The following CUBN variants were observed in gnomAD, a reference collection of about 807,000 sequenced individuals.
CUBN encodes 460 kDa receptor.
CUBN carries 282 observed loss-of-function variants against 405.3 expected under a neutral mutation model. The observed-to-expected ratio is 0.70, with a 90% CI of 0.63 to 0.77. CUBN has a LOEUF of 0.77. Ranked by LOEUF, CUBN falls within the 30% of genes least tolerant of loss-of-function variation. The pLI is 0.00. For synonymous variants in CUBN, 1,684 were observed against 1,617.0 expected (o/e 1.04, Z -0.99); for missense variants, 4,514 against 4,475.2 (o/e 1.01, Z -0.25).
At chr10:17,029,171 CAG>C (rs937916891) in intron 27 of CUBN, among the ~76,000 whole-genome samples, 3 of 152,164 alleles carry the variant, frequency 2.0e-5, no homozygotes, top group Non-Finnish European at 2.9e-5. Context: ...AGGAAACACG[CAG>C]AGTTTCTTTT....
intron 40 of CUBN, among the ~76,000 whole-genome samples, chr10:16,930,011 C>T (rs944238452): frequency 1.3e-5 from 2 of 152,140 alleles, no homozygotes; most frequent in South Asian, 2.1e-4. Flanking sequence ...GTTACTTGCC[C>T]ATCCACCCCT....
At chr10:16,986,984 T>A (rs550841066) in intron 29 of CUBN, among the ~76,000 whole-genome samples, 84 of 152,310 alleles carry the variant, frequency 5.5e-4, no homozygotes, top group Non-Finnish European at 1.0e-3. Context: ...TCTAGAAGAA[T>A]AAACACTGCC....
In CUBN at chr10:17,080,601, G is replaced by C. The variant is rs568524611; in HGVS notation, c.2301+3670C>G. On this transcript the variant is annotated intron_variant, in intron 17 of 66. Transcript: ENST00000377833. The stretch of plus-strand genomic sequence containing the variant: ...CTGGGGAGAGGAGGCAGATACTTTG[G>C]GATTGGTCAAGGAGATTTGATGGGT... 8.5e-5 allele frequency among the ~76,000 whole-genome samples: 13 copies of C among 152,194 alleles called. No individual in the cohort carries two copies. In the South Asian group the frequency reaches 2.7e-3, roughly 32 times the overall value.
chr10:16,983,562 A>C (rs1209070926), intron 30 of CUBN, among the ~76,000 whole-genome samples: 3 of 152,234 alleles, frequency 2.0e-5, no homozygotes, highest in African/African-American at 4.8e-5. Context: ...TGCCTAGTAC[A>C]CAGTAAGCAT....
intron 59 of CUBN, among the ~76,000 whole-genome samples, chr10:16,867,266 A>G (rs1840214033): frequency 6.6e-6 from 1 of 152,182 alleles, no homozygotes; most frequent in South Asian, 2.1e-4. Flanking sequence ...GTTGTTTTAC[A>G]TAAATGAGTT....
intron 56 of CUBN, among the ~76,000 whole-genome samples, chr10:16,883,486 A>G (rs1249440665): frequency 6.6e-6 from 1 of 152,220 alleles, no homozygotes; most frequent in Non-Finnish European, 1.5e-5. Flanking sequence ...TGAGAAAGCA[A>G]AGAGAAGAAA....
At chr10:17,104,328 T>A in intron 12 of CUBN, 91 bp downstream of exon 12, 1 of 1,132,314 alleles carries the variant, frequency 8.8e-7, no homozygotes, top group Non-Finnish European at 1.3e-6. Context: ...GACAAGAAAG[T>A]GGGTTCAGCA....
Position 16,982,622 on chromosome 10 carries a change from T to C in CUBN, c.4557A>G (p.Gly1519=), listed in dbSNP as rs773431084. The C allele has an allele frequency of 6.2e-7, 1 of 1,613,310 alleles. No individual in the cohort carries two copies. Among genetic ancestry groups the C allele is most frequent in the South Asian group, 1.1e-5 (1 of 91,064 alleles). ...TGGGGTAATTTGGAGAATGAATCTC[T>C]CCACTGGGAGCCTGGAAAATCCCAC... ...GCGGIFQAPS[G]EIHSPNYPSP... is the part of the protein sequence containing the mutation. The change falls in exon 31 of 67, where the codon GGA becomes GGG. Residue 1519 remains glycine, a synonymous_variant. Transcript: ENST00000377833.
Position 16,899,182 on chromosome 10 carries a change from A to T in CUBN, c.8412T>A (p.Gly2804=), listed in dbSNP as rs139990077. ...FYATWNTQTL[G]CGGIFHSDNG... Reference sequence around the variant, plus strand: ...TATCAGAATGAAATATTCCACCACAACCTGAAATATTGCCATGTAAAAAGC... The same window carrying T: ...TATCAGAATGAAATATTCCACCACATCCTGAAATATTGCCATGTAAAAAGC... The change falls in exon 54 of 67, where the codon GGT becomes GGA. Residue 2804 remains glycine, a splice_region_variant and synonymous_variant. Coordinates refer to ENST00000377833, the MANE Select transcript of CUBN (RefSeq NM_001081.4). 2 of 1,613,044 alleles carry T rather than the reference A, an allele frequency of 1.2e-6. No individual in the cohort carries two copies. The highest frequency in any genetic ancestry group is 1.3e-5 in the African/African-American group (1 of 75,042).
At chr10:17,109,523 A>G in intron 10 of CUBN, 117 bp downstream of exon 10, 1 of 800,496 alleles carries the variant, frequency 1.2e-6, no homozygotes, top group South Asian at 1.4e-5. Context: ...GATTAATTTT[A>G]GGTTTGAAGG....
Position 17,068,806 on chromosome 10 carries a change from T to A in CUBN, c.2626-36A>T, listed in dbSNP as rs560729348. On this transcript the variant is annotated intron_variant, in intron 19 of 66. Coordinates refer to ENST00000377833, the MANE Select transcript of CUBN (RefSeq NM_001081.4). ...AGAAGATATGTTCAAATATGTTGTA[T>A]ATCAATTTTGAAAACTGCTTCAAGA... 5.9e-6 allele frequency: 9 copies of A among 1,515,964 alleles called. No individual in the cohort carries two copies. The African/African-American group carries it at 1.1e-4, about 19-fold the overall frequency. The allele number at this position is 1,515,964 out of a possible 1,614,324, so 93.9% of individuals were successfully genotyped here.
intron 54 of CUBN, among the ~76,000 whole-genome samples, chr10:16,894,983 G>T (rs2131409040): frequency 6.6e-6 from 1 of 152,270 alleles, no homozygotes; most frequent in African/African-American, 2.4e-5. Flanking sequence ...CCATGGGAAA[G>T]AATGGACGAT....
Position 17,105,583 on chromosome 10 carries a change from G to A in CUBN, c.1112-8C>T. The A allele has an allele frequency of 6.6e-7, 1 of 1,510,964 alleles. No individual in the cohort carries two copies. The highest frequency in any genetic ancestry group is 9.2e-7 in the Non-Finnish European group (1 of 1,084,952). The allele number at this position is 1,510,964 out of a possible 1,614,324, so 93.6% of individuals were successfully genotyped here. ...TGCAGAGAGGTAAGGAACCTGTTCAGAAATAAAAACAAACGTGTAAATACA... is the reference window on the plus strand; with the variant it reads ...TGCAGAGAGGTAAGGAACCTGTTCAAAAATAAAAACAAACGTGTAAATACA... On this transcript the variant is annotated splice_polypyrimidine_tract_variant and splice_region_variant and intron_variant, in intron 10 of 66. Coordinates refer to ENST00000377833, the MANE Select transcript of CUBN (RefSeq NM_001081.4).
At chr10:17,031,977 C>T (rs1170335054) in intron 27 of CUBN, among the ~76,000 whole-genome samples, 1 of 152,172 alleles carries the variant, frequency 6.6e-6, no homozygotes, top group Non-Finnish European at 1.5e-5. Flanking sequence ...AGAGAGAAAG[C>T]AAAGCCCTTA....
chr10:17,115,905 G>T (rs577346939), intron 6 of CUBN, among the ~76,000 whole-genome samples: 3 of 152,166 alleles, frequency 2.0e-5, no homozygotes, highest in Admixed American at 6.5e-5. Context: ...ATAAGCCAAA[G>T]GTAATGGAGT....
chr10:16,883,920 C>T (rs988419977), intron 56 of CUBN, among the ~76,000 whole-genome samples: 5 of 152,202 alleles, frequency 3.3e-5, no homozygotes, highest in East Asian at 3.8e-4. Flanking sequence ...CTAAATTCCT[C>T]ATTATCACCA....
chr10:16,829,888 C>G (rs1203830009), intron 65 of CUBN, among the ~76,000 whole-genome samples: 1 of 150,330 alleles, frequency 6.7e-6, no homozygotes, highest in East Asian at 2.0e-4. Context: ...GTGGCACGAT[C>G]TTGGCTCACT....
chr10:16,998,484 A>G (rs1833795695), intron 28 of CUBN, among the ~76,000 whole-genome samples: 1 of 152,208 alleles, frequency 6.6e-6, no homozygotes, highest in Non-Finnish European at 1.5e-5. Flanking sequence ...GACCCTGCCA[A>G]CACCTTGACT....
chr10:17,059,527 A>G (rs1417033155), intron 22 of CUBN, among the ~76,000 whole-genome samples: 1 of 152,146 alleles, frequency 6.6e-6, no homozygotes, highest in African/African-American at 2.4e-5. Context: ...GAAATCACTT[A>G]TGAAATGTTT....
Sources: gnomAD v4.1 joint callset for allele counts (sites outside exome capture counted in the v4.1 genomes callset) on GRCh38, gnomAD v4.1.1 for gene constraint, MANE v1.5 for transcripts, NCBI Gene and HGNC (gene_info 2026-07-23, HGNC 2026-07-21) for gene names.